CANX: variants seen among roughly 807,000 people sequenced by gnomAD.
CANX encodes epididymis secretory sperm binding protein.
A neutral mutation model predicts 75.7 loss-of-function variants in CANX; 14 were observed. The observed-to-expected ratio is 0.19, with a 90% CI of 0.12 to 0.29. CANX has a LOEUF of 0.29. Ranked by LOEUF, CANX falls within the 10% of genes least tolerant of loss-of-function variation. CANX has a pLI of 1.00. For missense variants in CANX, 567 were observed against 713.2 expected (o/e 0.79, Z 2.34); for synonymous variants, 227 against 236.9 (o/e 0.96, Z 0.38).
chr5:179,703,592 C>T (rs931379555), intron 1 of CANX, among the ~76,000 whole-genome samples: 3 of 152,018 alleles, frequency 2.0e-5, no homozygotes, highest in African/African-American at 7.2e-5. Flanking sequence ...TGTGTGCTAC[C>T]ATACCTGGCT....
Position 179,685,546 on chromosome 5 carries a change from C to CTTT in CANX, c.-4+6792_-4+6794dup, listed in dbSNP as rs1231654880. 1.8e-3 allele frequency among the ~76,000 whole-genome samples: 109 copies of CTTT among 61,432 alleles called. 2 individuals are homozygous for CTTT. The highest frequency in any genetic ancestry group is 2.4e-3 in the African/African-American group (32 of 13,370). The allele number at this position is 61,432 out of a possible 152,430, so 40.3% of individuals were successfully genotyped here. ...TACAGGCGTGAGCCACCGCGCCCAG[C>CTTT]TTTTTTTTTTTTTTTTTTTTTTTTT... On this transcript the variant is annotated intron_variant, in intron 1 of 14. Coordinates refer to the CANX transcript ENST00000681674.
chr5:179,715,895 T>G, intron 7 of CANX: 1 of 643,258 alleles, frequency 1.6e-6, no homozygotes, highest in South Asian at 1.6e-5. Flanking sequence ...GCTGTAATTC[T>G]TAGAAAGCCG....
intron 1 of CANX, among the ~76,000 whole-genome samples, chr5:179,687,068 C>T (rs1776202137): frequency 6.6e-6 from 1 of 152,096 alleles, no homozygotes; most frequent in African/African-American, 2.4e-5. Context: ...TGAGCCACTG[C>T]ACCCGGCCTG....
intron 12 of CANX, among the ~76,000 whole-genome samples, 164 bp downstream of exon 12, chr5:179,723,943 C>T (rs1010486568): frequency 3.9e-5 from 6 of 151,986 alleles, no homozygotes; most frequent in African/African-American, 1.5e-4. Flanking sequence ...CCTCAGTGGC[C>T]GTTTATTGTG....
chr5:179,721,283 C>T (rs1237997781), intron 10 of CANX, among the ~76,000 whole-genome samples: 2 of 144,636 alleles, frequency 1.4e-5, no homozygotes, highest in East Asian at 4.2e-4. Flanking sequence ...AGAGACGGGG[C>T]TTCGCCATGT....
intron 1 of CANX, among the ~76,000 whole-genome samples, chr5:179,702,691 CTGTTTGTT>C (rs565033414): frequency 1.3e-5 from 2 of 151,912 alleles, no homozygotes; most frequent in Non-Finnish European, 2.9e-5. Context: ...CCTTCTTTTT[CTGTTTGTT>C]TGTTTGTTTG....
intron 1 of CANX, chr5:179,679,253 C>T (rs1293806998): frequency 7.9e-6 from 12 of 1,524,696 alleles, no homozygotes; most frequent in Non-Finnish European, 1.1e-5. Flanking sequence ...TGAAGGCGAG[C>T]CAGGGGGCGC....
Position 179,719,761 on chromosome 5 carries a change from C to T in CANX, c.1005C>T (p.Asp335=), listed in dbSNP as rs536838219. Residue 335 remains aspartate (D), a synonymous_variant, in exon 9 of 15, where the codon GAC becomes GAT. Coordinates refer to ENST00000247461, the MANE Select transcript of CANX (RefSeq NM_001746.4). Reference sequence around the variant, plus strand: ...AGCCTGAGTACGTACCTGATCCAGACGCAGAGAAACCTGAGGATTGGTAAG... The same window carrying T: ...AGCCTGAGTACGTACCTGATCCAGATGCAGAGAAACCTGAGGATTGGTAAG... ...DDEPEYVPDP[D]AEKPEDWDED... is the part of the protein sequence containing the mutation. 74 of 1,602,246 alleles carry T rather than the reference C, an allele frequency of 4.6e-5. No homozygotes were observed. The highest frequency in any genetic ancestry group is 3.3e-4 in the Middle Eastern group (2 of 6,034).
intron 1 of CANX, among the ~76,000 whole-genome samples, chr5:179,704,671 A>G (rs566439898): frequency 7.8e-4 from 119 of 152,074 alleles, no homozygotes; most frequent in Non-Finnish European, 1.4e-3. Flanking sequence ...CCCTGTCTAT[A>G]CTAAAAGTAC....
intron 1 of CANX, chr5:179,699,494 C>T (rs1031613082): frequency 3.9e-5 from 6 of 152,204 alleles, no homozygotes; most frequent in East Asian, 1.9e-4. Flanking sequence ...CTAGGTACCC[C>T]TAGTAGTAGG....
At chr5:179,708,115 GGT>G in intron 4 of CANX, 122 bp from the exon 5 acceptor site, 1 of 732,328 alleles carries the variant, frequency 1.4e-6, no homozygotes, top group East Asian at 2.6e-5. Context: ...TGGGATTATA[GGT>G]GTGAGCGACC....
At chr5:179,700,686 G>A (rs188422806) in intron 1 of CANX, among the ~76,000 whole-genome samples, 97 of 152,238 alleles carry the variant, frequency 6.4e-4, no homozygotes, top group African/African-American at 2.3e-3. Context: ...ATCTTCTCAG[G>A]GCCACAAGGG....
chr5:179,684,288 G>A (rs950599915), intron 1 of CANX, among the ~76,000 whole-genome samples: 1 of 151,980 alleles, frequency 6.6e-6, no homozygotes, highest in Non-Finnish European at 1.5e-5. Context: ...TTACCGTGGT[G>A]CCTAGGCTGG....
At chr5:179,706,192 G>C in intron 2 of CANX, 66 bp from the exon 3 acceptor site, 2 of 913,942 alleles carry the variant, frequency 2.2e-6, no homozygotes, top group Non-Finnish European at 3.5e-6. Flanking sequence ...CAGGAGAATA[G>C]ATTCTAGATA....
rs1369059337 is a variant in CANX at position 179,729,527 on chromosome 5, T to C, written c.*883T>C. On this transcript the variant is annotated 3_prime_UTR_variant, in exon 15 of 15. Transcript: ENST00000247461. Reference sequence around the variant, plus strand: ...CACTGTGTGTTGACACTGTTTTCCTTACCTATTTCCTCAGATCCCCAGCTT... The same window carrying C: ...CACTGTGTGTTGACACTGTTTTCCTCACCTATTTCCTCAGATCCCCAGCTT... 1 of 152,790 alleles carries C rather than the reference T, an allele frequency of 6.5e-6. No homozygotes were observed. The allele number at this position is 152,790 out of a possible 1,614,324, so 9.5% of individuals were successfully genotyped here. A position where few individuals can be genotyped will look rare whatever the true frequency, so the allele number is the denominator to read the frequency against.
chr5:179,686,090 G>A (rs1166894025), intron 1 of CANX, among the ~76,000 whole-genome samples: 1 of 139,870 alleles, frequency 7.1e-6, no homozygotes, highest in Admixed American at 7.5e-5. Flanking sequence ...TTGATGAAGT[G>A]GTTGTTCAAG....
chr5:179,698,367 C>A, upstream of CANX: 1 of 1,181,214 alleles, frequency 8.5e-7, no homozygotes, highest in Non-Finnish European at 1.1e-6. Context: ...GCTCCTGGGC[C>A]GAGCCATGAC....
In CANX at chr5:179,705,847, C is replaced by A; in HGVS notation, c.166C>A (p.Pro56Thr). The A allele has an allele frequency of 6.2e-7, 1 of 1,612,856 alleles. No homozygotes were observed. The highest frequency in any genetic ancestry group is 8.5e-7 in the Non-Finnish European group (1 of 1,179,000). ...KPDTTAPPSS[P>T]KVTYKAPVPT... The stretch of plus-strand genomic sequence containing the variant: ...AGATACCACTGCTCCTCCTTCATCT[C>A]CCAAGGTTTGAAATGGTCTTTGAAT... Residue 56 changes from proline to threonine, a missense_variant, in exon 2 of 15, where the codon CCC (proline) becomes ACC (threonine). Around this residue, in one of 3 missense-constraint regions of CANX, gnomAD observed 351 missense variants for 433.8 expected, o/e 0.81. Coordinates refer to ENST00000247461, the MANE Select transcript of CANX (RefSeq NM_001746.4).
At chr5:179,707,355 C>T (rs560399534) in intron 4 of CANX, among the ~76,000 whole-genome samples, 165 bp downstream of exon 4, 15 of 152,240 alleles carry the variant, frequency 9.9e-5, no homozygotes, top group East Asian at 3.9e-4. Context: ...GAAGCCAAGG[C>T]GGGCAGATCA....
Sources: gnomAD v4.1 joint callset for allele counts (sites outside exome capture counted in the v4.1 genomes callset) on GRCh38, gnomAD v4.1.1 for gene constraint, gnomAD v4.1.1 regional missense constraint, MANE v1.5 for transcripts, NCBI Gene and HGNC (gene_info 2026-07-23, HGNC 2026-07-21) for gene names.